Variants in CHAT observed in about 807,000 individuals in gnomAD.
The protein encoded by CHAT is acetyl CoA:choline O-acetyltransferase.
A neutral mutation model predicts 76.9 loss-of-function variants in CHAT; 61 were observed. That is an observed-to-expected ratio of 0.79 (90% CI 0.65 to 0.98). The LOEUF (loss-of-function observed/expected upper bound fraction) is 0.98, where lower values mean the gene tolerates loss of function less well. Ranked by LOEUF, CHAT falls within the 50% of genes least tolerant of loss-of-function variation. The probability of loss-of-function intolerance (pLI) is 0.00; values close to 1 mark genes in which losing one functional copy is unlikely to be tolerated. For synonymous variants in CHAT, 407 were observed against 397.4 expected (o/e 1.02, Z -0.29); for missense variants, 946 against 986.9 (o/e 0.96, Z 0.56).
chr10:49,614,619 C>A (rs2132696074), intron 1 of CHAT, 144 bp downstream of exon 1: 1 of 738,958 alleles, frequency 1.4e-6, no homozygotes. Flanking sequence ...CAGCGGCCGT[C>A]GGGGGTCAGC....
At chr10:49,625,964 C>G (rs1205970170) in intron 6 of CHAT, among the ~76,000 whole-genome samples, 3 of 152,230 alleles carry the variant, frequency 2.0e-5, no homozygotes, top group Non-Finnish European at 2.9e-5. Flanking sequence ...CACCCAGGCT[C>G]TGGCCTTTCT....
intron 7 of CHAT, among the ~76,000 whole-genome samples, chr10:49,634,707 T>C (rs543832255): frequency 4.6e-5 from 7 of 152,270 alleles, no homozygotes; most frequent in Non-Finnish European, 7.4e-5. Context: ...GGTGGTTTTT[T>C]TTGTTTTGTT....
intron 6 of CHAT, among the ~76,000 whole-genome samples, chr10:49,626,547 G>T (rs989071408): frequency 6.6e-6 from 1 of 152,116 alleles, no homozygotes; most frequent in Non-Finnish European, 1.5e-5. Flanking sequence ...TCCTAGATTT[G>T]AAGGCCATCT....
rs528404979 is a variant in CHAT, at chr10:49,651,644, G to A, written c.1512-240G>A. 5.1e-5 allele frequency: 26 copies of A among 505,480 alleles called. No homozygotes were observed. The East Asian group carries it at 6.0e-4, about 12-fold the overall frequency. 31.3% of individuals were successfully genotyped at this position (505,480 alleles called of 1,614,324 possible). A position where few individuals can be genotyped will look rare whatever the true frequency, so the allele number is the denominator to read the frequency against. ...CCCACCCACTCTCCAGAGCAGGGCC[G>A]ACACCCCACTCAGCTGAGCTCACCT... On this transcript the variant is annotated intron_variant, in intron 10 of 14. Coordinates refer to ENST00000337653, the MANE Select transcript of CHAT (RefSeq NM_020549.5).
chr10:49,622,474 G>T (rs1838765434), intron 5 of CHAT, among the ~76,000 whole-genome samples: 1 of 152,248 alleles, frequency 6.6e-6, no homozygotes. Context: ...AGGAAGAGTT[G>T]TTAGAGTAAG....
chr10:49,622,523 T>G (rs1838767338), intron 5 of CHAT, among the ~76,000 whole-genome samples: 1 of 152,168 alleles, frequency 6.6e-6, no homozygotes, highest in Non-Finnish European at 1.5e-5. Context: ...AGGAATGGTG[T>G]CTCCAGCGGG....
At chr10:49,648,952 A>C (rs1231763100) in intron 9 of CHAT, among the ~76,000 whole-genome samples, 2 of 152,162 alleles carry the variant, frequency 1.3e-5, no homozygotes, top group Non-Finnish European at 2.9e-5. Flanking sequence ...CTGCCCCAGC[A>C]CAGGGGGAGT....
chr10:49,642,064 T>A (rs1022565709), intron 7 of CHAT, among the ~76,000 whole-genome samples: 1 of 152,134 alleles, frequency 6.6e-6, no homozygotes, highest in African/African-American at 2.4e-5. Context: ...TCCTTGGGCA[T>A]GGGTGTCAGA....
chr10:49,624,841 G>A (rs1838859230), intron 5 of CHAT, among the ~76,000 whole-genome samples: 2 of 151,996 alleles, frequency 1.3e-5, no homozygotes, highest in Admixed American at 1.3e-4. Flanking sequence ...TGGATGGATG[G>A]GTGGATGCAA....
chr10:49,635,647 TCCA>T (rs1023302545), intron 7 of CHAT, among the ~76,000 whole-genome samples: 7 of 152,082 alleles, frequency 4.6e-5, no homozygotes, highest in Non-Finnish European at 1.0e-4. Context: ...GACAATGCAA[TCCA>T]CCACATTAAC....
At position 49,651,993 on chromosome 10, in the gene CHAT, C is replaced by A. The variant is rs2132820713; in HGVS notation, c.1621C>A (p.Leu541Met). 9 of 1,614,238 alleles carry A rather than the reference C, an allele frequency of 5.6e-6. No homozygotes were observed. Among genetic ancestry groups the A allele is most frequent in the Non-Finnish European group, 7.6e-6 (9 of 1,180,036 alleles). ...TGCCTTCATCCAGGTGGCCCTCCAGCTGGCCTTCTACAGGTGAGTGAAGGT... is the reference window on the plus strand; with the variant it reads ...TGCCTTCATCCAGGTGGCCCTCCAGATGGCCTTCTACAGGTGAGTGAAGGT... ...PDAFIQVALQLAFYRLHRRLV... is the reference protein window; with the variant it reads ...PDAFIQVALQMAFYRLHRRLV... Residue 541 changes from leucine (L) to methionine (M), a missense_variant, in exon 11 of 15, where the codon CTG becomes ATG. Leu to Met is a conservative substitution (Grantham distance 15, BLOSUM62 2). Around this residue, in one of 3 missense-constraint regions of CHAT, gnomAD observed 349 missense variants for 393.9 expected, o/e 0.89. Transcript: ENST00000337653.
upstream of CHAT, chr10:49,612,578 A>G (rs1333473356): frequency 1.9e-6 from 1 of 523,802 alleles, no homozygotes; most frequent in East Asian, 3.1e-5. Flanking sequence ...GCGGAGGTGA[A>G]GAGGACCCTG....
In CHAT at chr10:49,666,285, T is replaced by C. The variant is rs544067429; in HGVS notation, c.*1239T>C. 6.6e-6 allele frequency among the ~76,000 whole-genome samples: 1 copy of C among 151,410 alleles called. No homozygotes were observed. Among genetic ancestry groups the C allele is most frequent in the African/African-American group, 2.4e-5 (1 of 40,832 alleles). ...CCCCAGCTCCAGCTCCAGCCCCAGC[T>C]CCAGCTCCAGCATGGGCAGGACAGG... On this transcript the variant is annotated 3_prime_UTR_variant, in exon 15 of 15. Coordinates refer to ENST00000337653, the MANE Select transcript of CHAT (RefSeq NM_020549.5).
At chr10:49,645,680 G>A (rs901333527) in intron 7 of CHAT, among the ~76,000 whole-genome samples, 3 of 152,176 alleles carry the variant, frequency 2.0e-5, no homozygotes, top group African/African-American at 4.8e-5. Flanking sequence ...GTGAAATCAC[G>A]TGCTCTGTGC....
At chr10:49,658,103 C>G (rs1384604966) in intron 13 of CHAT, among the ~76,000 whole-genome samples, 1 of 152,152 alleles carries the variant, frequency 6.6e-6, no homozygotes, top group African/African-American at 2.4e-5. Flanking sequence ...TAAAATGGAC[C>G]AGGCACAGTG....
intron 10 of CHAT, among the ~76,000 whole-genome samples, chr10:49,651,333 C>T (rs187337337): frequency 9.9e-5 from 15 of 151,782 alleles, no homozygotes; most frequent in Non-Finnish European, 1.8e-4. Flanking sequence ...CATGGAGTCC[C>T]GACAGAAGGT....
chr10:49,611,678 C>T (rs1838301566), upstream of CHAT: 2 of 1,610,912 alleles, frequency 1.2e-6, no homozygotes, highest in Non-Finnish European at 1.7e-6. Context: ...CCCACCATTG[C>T]CACGTGGATG....
At position 49,646,569 on chromosome 10, in the gene CHAT, G is replaced by T. The variant is rs200321426; in HGVS notation, c.1176G>T (p.Ala392=). 6.2e-7 allele frequency: 1 copy of T among 1,614,218 alleles called. No homozygotes were observed. The highest frequency in any genetic ancestry group is 1.1e-5 in the South Asian group (1 of 91,088). ...GCATCTGCCTTGTATGCCTGGACGC[G>T]CCAGGAGGCGTGGAGCTCAGCGACA... ...ERCICLVCLD[A]PGGVELSDTH... Residue 392 remains alanine (A), a synonymous_variant, in exon 8 of 15, where the codon GCG becomes GCT. Transcript: ENST00000337653.
At chr10:49,658,290 C>T (rs999506477) in intron 13 of CHAT, among the ~76,000 whole-genome samples, 6 of 151,640 alleles carry the variant, frequency 4.0e-5, no homozygotes, top group African/African-American at 7.3e-5. Context: ...CTGAGGCAGG[C>T]GGATCACCTG....
Sources: allele counts gnomAD v4.1 joint callset (sites outside exome capture counted in the v4.1 genomes callset), GRCh38; gene constraint gnomAD v4.1.1; regional missense constraint gnomAD v4.1.1; transcripts MANE v1.5; gene names NCBI Gene and HGNC (gene_info 2026-07-23, HGNC 2026-07-21).